Variants in NXN observed in about 807,000 individuals in gnomAD.
NXN encodes nucleoredoxin.
A neutral mutation model predicts 48.6 loss-of-function variants in NXN; 16 were observed. The observed-to-expected ratio is 0.33, with a 90% CI of 0.22 to 0.50. The LOEUF is 0.50. Among genes scored for constraint, NXN ranks in the 20% least tolerant of loss-of-function variants. The pLI is 0.98. For missense variants in NXN, 492 were observed against 605.5 expected, an observed-to-expected ratio of 0.81 and a Z score of 1.97; for synonymous variants, 281 against 269.6, an observed-to-expected ratio of 1.04 and a Z score of -0.41.
chr17:922,652 G>A (rs1045126627), intron 1 of NXN, among the ~76,000 whole-genome samples: 6 of 151,716 alleles, frequency 4.0e-5, no homozygotes, highest in Admixed American at 6.6e-5. Context: ...TCCACTCTGC[G>A]TTCTTTGTTT....
At position 830,964 on chromosome 17, in the gene NXN, C is replaced by T. The variant is rs1010066424; in HGVS notation, c.361-4886G>A. On this transcript the variant is annotated intron_variant, in intron 1 of 7. Coordinates refer to ENST00000336868, the MANE Select transcript of NXN (RefSeq NM_022463.5). The surrounding 1 kb of genome is among the most constrained non-coding windows in gnomAD (Gnocchi z 4.2). ...GCTGTGAGCCGAGACTGAGCTATTG[C>T]ACTCCAGCCTGGGCAACAAGAGCGA... 1.3e-5 allele frequency among the ~76,000 whole-genome samples: 2 copies of T among 149,162 alleles called. No homozygotes were observed. Among genetic ancestry groups the T allele is most frequent in the Non-Finnish European group, 3.0e-5 (2 of 67,728 alleles).
chr17:953,288 G>A lies in NXN; in HGVS notation c.360+26031C>T, dbSNP rs539060139. Among the ~76,000 whole-genome samples, 9 of 152,238 alleles carry A rather than the reference G, an allele frequency of 5.9e-5. No homozygotes were observed. In the South Asian group the frequency reaches 1.2e-3, roughly 21 times the overall value. On this transcript the variant is annotated intron_variant, in intron 1 of 7. Transcript: ENST00000336868. ...AAATTAGCCAGGCATGGTGGCTCAC[G>A]CCTGTAATCCCAGCTACTTGGGAGG...
At chr17:854,878 G>C (rs960480465) in intron 1 of NXN, among the ~76,000 whole-genome samples, 3 of 151,676 alleles carry the variant, frequency 2.0e-5, no homozygotes, top group African/African-American at 7.3e-5. Flanking sequence ...AGAATTGCTT[G>C]AACCCAGGAG....
intron 1 of NXN, among the ~76,000 whole-genome samples, chr17:889,765 G>T (rs898284509): frequency 7.4e-6 from 1 of 135,544 alleles, no homozygotes; most frequent in Non-Finnish European, 1.6e-5. Context: ...GAAAGAAAAA[G>T]AAAGAAAGAA....
intron 5 of NXN, among the ~76,000 whole-genome samples, chr17:811,569 G>A (rs1190108592): frequency 2.6e-5 from 4 of 152,058 alleles, no homozygotes; most frequent in Admixed American, 6.6e-5. Flanking sequence ...GTGGGGGGAC[G>A]CCAAATGCCA....
Position 921,470 on chromosome 17 carries a change from C to G in NXN, c.360+57849G>C, listed in dbSNP as rs143488159. On this transcript the variant is annotated intron_variant, in intron 1 of 7. Coordinates refer to ENST00000336868, the MANE Select transcript of NXN (RefSeq NM_022463.5). ...GAAACGCTTCCCGCACCTCTCCTGG[C>G]CCCTCTGCATCTGTGGCTTGTCCTT... Among the ~76,000 whole-genome samples, 185 of 152,292 alleles carry G rather than the reference C, an allele frequency of 1.2e-3. 2 individuals are homozygous for G. In the South Asian group the frequency reaches 0.018, roughly 15 times the overall value.
chr17:943,324 G>A (rs1010485930), intron 1 of NXN, among the ~76,000 whole-genome samples: 7 of 152,038 alleles, frequency 4.6e-5, no homozygotes, highest in Non-Finnish European at 8.8e-5. Flanking sequence ...TCCAGAGAAA[G>A]GTCACCAACA....
At chr17:915,878 G>GGCAGCCACTTATGGTGTCAGATCCGA in intron 1 of NXN, among the ~76,000 whole-genome samples, 1 of 106,002 alleles carries the variant, frequency 9.4e-6, no homozygotes, top group South Asian at 3.0e-4. Flanking sequence ...GTCAGAGCTG[G>GGCAGCCACTTATGGTGTCAGATCCGA]AACTTCCAGC....
rs147364559 is a variant in NXN, at chr17:971,513, A to G, written c.360+7806T>C. Among the ~76,000 whole-genome samples, 602 of 151,596 alleles carry G rather than the reference A, an allele frequency of 4.0e-3. 4 individuals are homozygous for G. The highest frequency in any genetic ancestry group is 0.022 in the Admixed American group (333 of 15,242). Reference sequence around the variant, plus strand: ...ATCATGAGGTCAGGAGTTCAAGACCATCCTGGCTAACACGGTGAAACCCCG... The same window carrying G: ...ATCATGAGGTCAGGAGTTCAAGACCGTCCTGGCTAACACGGTGAAACCCCG... On this transcript the variant is annotated intron_variant, in intron 1 of 7. Transcript: ENST00000336868.
At chr17:871,263 C>G (rs965858507) in intron 1 of NXN, among the ~76,000 whole-genome samples, 2 of 152,046 alleles carry the variant, frequency 1.3e-5, no homozygotes, top group African/African-American at 4.8e-5. Context: ...CCCAGGCACC[C>G]CGAAGCTCCA....
intron 1 of NXN, among the ~76,000 whole-genome samples, chr17:947,533 G>A (rs1403804208): frequency 2.6e-5 from 4 of 151,740 alleles, no homozygotes; most frequent in African/African-American, 9.7e-5. Context: ...AGGAGTTCGA[G>A]ACCAGCCTGG....
At chr17:821,682 T>C (rs75946626) in intron 4 of NXN, among the ~76,000 whole-genome samples, 1,630 of 23,372 alleles carry the variant, frequency 0.07, 586 homozygotes, top group Middle Eastern at 0.17. Flanking sequence ...ACCCGGGAGG[T>C]GGAGCTTGCA....
chr17:866,042 A>G (rs2068092673), intron 1 of NXN, among the ~76,000 whole-genome samples: 1 of 152,224 alleles, frequency 6.6e-6, no homozygotes, highest in Admixed American at 6.5e-5. Context: ...TTGCTACAGC[A>G]AAAGGAGAAG....
chr17:847,893 T>C (rs2067881927), intron 1 of NXN, among the ~76,000 whole-genome samples: 1 of 152,146 alleles, frequency 6.6e-6, no homozygotes, highest in Non-Finnish European at 1.5e-5. Context: ...AAAAAACAGC[T>C]ACAAGCCCAA....
intron 1 of NXN, among the ~76,000 whole-genome samples, chr17:870,038 C>T (rs2068135121): frequency 6.6e-6 from 1 of 152,188 alleles, no homozygotes; most frequent in African/African-American, 2.4e-5. Context: ...CTGGCTGTCA[C>T]ATTGCGGGGT....
At chr17:808,522 C>T (rs1037203537) in intron 5 of NXN, among the ~76,000 whole-genome samples, 1 of 151,412 alleles carries the variant, frequency 6.6e-6, no homozygotes, top group Non-Finnish European at 1.5e-5. Context: ...CTCGAACTCC[C>T]GACCTCAGGT....
chr17:965,450 A>T (rs2069290598), intron 1 of NXN, among the ~76,000 whole-genome samples: 1 of 152,206 alleles, frequency 6.6e-6, no homozygotes, highest in African/African-American at 2.4e-5. Flanking sequence ...TCTTTCCTTG[A>T]AAACTATCAA....
Position 979,532 on chromosome 17 carries a change from G to C in NXN, c.147C>G (p.Leu49=). Residue 49 remains leucine (L), a synonymous_variant, in exon 1 of 8, where the codon CTC becomes CTG. Coordinates refer to ENST00000336868, the MANE Select transcript of NXN (RefSeq NM_022463.5). The stretch of plus-strand genomic sequence containing the variant: ...CGTAGAAGGCGGCCAGGCTGGCGCT[G>C]AGCTGCGCGCAGGGGGCGCTGAGGC... ...GCSLSAPCAQ[L]SASLAAFYGR... is the part of the protein sequence containing the mutation. 1 of 1,324,390 alleles carries C rather than the reference G, an allele frequency of 7.6e-7. No individual in the cohort carries two copies. The allele number at this position is 1,324,390 out of a possible 1,614,324, so 82.0% of individuals were successfully genotyped here.
intron 1 of NXN, among the ~76,000 whole-genome samples, chr17:918,331 T>C (rs952887983): frequency 6.6e-6 from 1 of 151,930 alleles, no homozygotes; most frequent in Non-Finnish European, 1.5e-5. Flanking sequence ...GGCGGGAGGG[T>C]CGGAAGGAAA....
Sources: gnomAD v4.1 joint callset for allele counts (sites outside exome capture counted in the v4.1 genomes callset) on GRCh38, gnomAD v4.1.1 for gene constraint, Gnocchi (gnomAD v3.1) non-coding constraint, MANE v1.5 for transcripts, NCBI Gene and HGNC (gene_info 2026-07-23, HGNC 2026-07-21) for gene names.